ZNF385B: variants seen among roughly 807,000 people sequenced by gnomAD.
ZNF385B encodes the protein zinc finger protein 533.
A neutral mutation model predicts 39.2 loss-of-function variants in ZNF385B; 23 were observed. That is an observed-to-expected ratio of 0.59 (90% CI 0.42 to 0.83). The LOEUF is 0.83. Among genes scored for constraint, ZNF385B ranks in the 40% least tolerant of loss-of-function variants. The probability of loss-of-function intolerance (pLI) is 0.00; values close to 1 mark genes in which losing one functional copy is unlikely to be tolerated. For synonymous variants in ZNF385B, 205 were observed against 222.6 expected (o/e 0.92, Z 0.70); for missense variants, 552 against 598.9 (o/e 0.92, Z 0.82).
chr2:179,743,634 G>T (rs1015308018), intron 3 of ZNF385B, among the ~76,000 whole-genome samples: 12 of 152,138 alleles, frequency 7.9e-5, no homozygotes, highest in Admixed American at 2.6e-4. Flanking sequence ...TCCACTAAAT[G>T]TCCTGGTAAT....
At chr2:179,544,683 T>C in intron 4 of ZNF385B, 144 bp downstream of exon 4, 4 of 968,792 alleles carry the variant, frequency 4.1e-6, no homozygotes, top group Non-Finnish European at 6.3e-6. Flanking sequence ...TGAAGCATCA[T>C]CTTTCATAGC....
chr2:179,698,974 T>A (rs1490016717), intron 3 of ZNF385B, among the ~76,000 whole-genome samples: 2 of 152,182 alleles, frequency 1.3e-5, no homozygotes, highest in Non-Finnish European at 2.9e-5. Flanking sequence ...CTATTGAAGT[T>A]TGACAAATGT....
intron 3 of ZNF385B, among the ~76,000 whole-genome samples, chr2:179,755,427 T>C (rs1439653730): frequency 1.3e-5 from 2 of 152,120 alleles, no homozygotes; most frequent in Admixed American, 6.5e-5. Context: ...GGGAGGAGAG[T>C]TCTGTAGATG....
chr2:179,778,431 G>A (rs1704470521), intron 1 of ZNF385B, among the ~76,000 whole-genome samples: 1 of 152,150 alleles, frequency 6.6e-6, no homozygotes, highest in South Asian at 2.1e-4. Flanking sequence ...GTCTTCCTGG[G>A]AGGTGGGACC....
intron 3 of ZNF385B, among the ~76,000 whole-genome samples, chr2:179,580,538 C>T (rs1219842672): frequency 6.6e-6 from 1 of 152,092 alleles, no homozygotes; most frequent in Non-Finnish European, 1.5e-5. Flanking sequence ...GGCCAGGAGG[C>T]CAGGTAAGAA....
At chr2:179,743,764 A>G (rs1352865998) in intron 3 of ZNF385B, among the ~76,000 whole-genome samples, 1 of 152,164 alleles carries the variant, frequency 6.6e-6, no homozygotes, top group Non-Finnish European at 1.5e-5. Flanking sequence ...ATTATGTGGA[A>G]ACAAACAAAA....
chr2:179,518,493 C>T (rs911282788), intron 5 of ZNF385B, 35 bp downstream of exon 5: 3 of 1,452,140 alleles, frequency 2.1e-6, no homozygotes, highest in Non-Finnish European at 2.9e-6. Flanking sequence ...TTAGCTCTGA[C>T]AAACTACAGA....
chr2:179,683,249 A>T (rs1034897585), intron 3 of ZNF385B, among the ~76,000 whole-genome samples: 1 of 151,772 alleles, frequency 6.6e-6, no homozygotes. Flanking sequence ...AATTAGCTGG[A>T]TGTGGTAGCT....
intron 3 of ZNF385B, among the ~76,000 whole-genome samples, chr2:179,647,971 G>T (rs1692871249): frequency 6.6e-6 from 1 of 151,976 alleles, no homozygotes; most frequent in Non-Finnish European, 1.5e-5. Context: ...GACCCTTGGG[G>T]ACTTAGAAAA....
At chr2:179,629,028 T>G (rs906939881) in intron 3 of ZNF385B, among the ~76,000 whole-genome samples, 1 of 152,228 alleles carries the variant, frequency 6.6e-6, no homozygotes, top group Non-Finnish European at 1.5e-5. Flanking sequence ...ATTATTTTTT[T>G]GATTATTGGA....
At chr2:179,836,560 A>G (rs1039982890) in intron 1 of ZNF385B, among the ~76,000 whole-genome samples, 2 of 129,492 alleles carry the variant, frequency 1.5e-5, no homozygotes, top group East Asian at 2.1e-4. Context: ...CGCCCAGGCC[A>G]GACTGCGGAC....
At chr2:179,765,302 T>G (rs947769283) in intron 3 of ZNF385B, among the ~76,000 whole-genome samples, 2 of 152,350 alleles carry the variant, frequency 1.3e-5, no homozygotes, top group Admixed American at 1.3e-4. Context: ...AATGATAATT[T>G]ATGCTGCCTA....
intron 5 of ZNF385B, among the ~76,000 whole-genome samples, chr2:179,499,144 C>G (rs1368248505): frequency 1.3e-5 from 2 of 151,748 alleles, no homozygotes; most frequent in Non-Finnish European, 3.0e-5. Context: ...CTAAAAAGAC[C>G]AACAACAAGT....
chr2:179,498,332 C>A lies in ZNF385B; in HGVS notation c.553-14898G>T, dbSNP rs535236028. 5.3e-5 allele frequency among the ~76,000 whole-genome samples: 8 copies of A among 151,352 alleles called. No individual in the cohort carries two copies. The East Asian group carries it at 1.4e-3, about 26-fold the overall frequency. On this transcript the variant is annotated intron_variant, in intron 5 of 9. Transcript: ENST00000410066. ...TACATATAACAAGTCTACATATAGACCAAATGGGCCTATTAGATATTTACA... is the reference window on the plus strand; with the variant it reads ...TACATATAACAAGTCTACATATAGAACAAATGGGCCTATTAGATATTTACA...
intron 1 of ZNF385B, among the ~76,000 whole-genome samples, chr2:179,859,154 T>G (rs1422310071): frequency 6.6e-6 from 1 of 152,230 alleles, no homozygotes; most frequent in Admixed American, 6.5e-5. Flanking sequence ...TTTTTAAAGT[T>G]ATCTTCCAGC....
rs79523545 is a variant in ZNF385B at position 179,493,781 on chromosome 2, A to T, written c.553-10347T>A. ...CATATATGTATACATATATGTATAT[A>T]CACATATGTATACATATATGTATAT... On this transcript the variant is annotated intron_variant, in intron 5 of 9. Coordinates refer to ENST00000410066, the MANE Select transcript of ZNF385B (RefSeq NM_152520.6). Among the ~76,000 whole-genome samples the T allele has an allele frequency of 5.4e-5, 5 of 91,804 alleles. 1 individual carries two copies. The highest frequency in any genetic ancestry group is 1.2e-4 in the Non-Finnish European group (5 of 40,772). The allele number at this position is 91,804 out of a possible 152,430, so 60.2% of individuals were successfully genotyped here. A position where few individuals can be genotyped will look rare whatever the true frequency, so the allele number is the denominator to read the frequency against.
At chr2:179,835,276 G>C (rs1423006074) in intron 1 of ZNF385B, among the ~76,000 whole-genome samples, 3 of 152,292 alleles carry the variant, frequency 2.0e-5, no homozygotes, top group Admixed American at 6.5e-5. Context: ...GTGGCAAACT[G>C]TTTCCAATTG....
intron 1 of ZNF385B, among the ~76,000 whole-genome samples, chr2:179,829,414 C>T (rs1559231681): frequency 6.6e-6 from 1 of 152,136 alleles, no homozygotes; most frequent in Non-Finnish European, 1.5e-5. Context: ...CAAAAATTAA[C>T]TCAAAATTGA....
In ZNF385B at chr2:179,709,230, C is replaced by T. The variant is rs1699829370; in HGVS notation, c.298+60273G>A. Among the ~76,000 whole-genome samples, 5 of 152,222 alleles carry T rather than the reference C, an allele frequency of 3.3e-5. No homozygotes were observed. In the South Asian group the frequency reaches 8.3e-4, roughly 25 times the overall value. On this transcript the variant is annotated intron_variant, in intron 3 of 9. Transcript: ENST00000410066. ...TGAGCGGGTATGTGTTTCTGTTACACTGATGACATCATGCTAACTTCTGAG... is the reference window on the plus strand; with the variant it reads ...TGAGCGGGTATGTGTTTCTGTTACATTGATGACATCATGCTAACTTCTGAG...
Sources: gnomAD v4.1 joint callset for allele counts (sites outside exome capture counted in the v4.1 genomes callset) on GRCh38, gnomAD v4.1.1 for gene constraint, MANE v1.5 for transcripts, NCBI Gene and HGNC (gene_info 2026-07-23, HGNC 2026-07-21) for gene names.